Variants in JMJD1C observed in about 807,000 individuals in gnomAD.
The protein encoded by JMJD1C is jumonji domain containing 1C.
JMJD1C carries 31 observed loss-of-function variants against 245.3 expected under a neutral mutation model. The observed-to-expected ratio is 0.13, with a 90% CI of 0.09 to 0.17. JMJD1C has a LOEUF of 0.17. Ranked by LOEUF, JMJD1C falls within the 10% of genes least tolerant of loss-of-function variation. The pLI is 1.00. For synonymous variants in JMJD1C, 1,057 were observed against 1,017.4 expected (o/e 1.04, Z -0.74); for missense variants, 2,691 against 3,000.2 (o/e 0.90, Z 2.41).
At chr10:63,442,559 TAACC>T (rs1564924716) in intron 1 of JMJD1C, among the ~76,000 whole-genome samples, 1 of 152,204 alleles carries the variant, frequency 6.6e-6, no homozygotes, top group Non-Finnish European at 1.5e-5. Context: ...ATTCAAAATG[TAACC>T]AACCAGAAAA....
chr10:63,261,463 C>G (rs1854741178), intron 3 of JMJD1C, among the ~76,000 whole-genome samples: 1 of 151,998 alleles, frequency 6.6e-6, no homozygotes, highest in Admixed American at 6.6e-5. Context: ...CACCTGTAAT[C>G]CCAGTTACTC....
intron 1 of JMJD1C, among the ~76,000 whole-genome samples, chr10:63,449,607 A>G (rs1951916755): frequency 2.0e-5 from 3 of 152,206 alleles, no homozygotes; most frequent in African/African-American, 7.2e-5. Flanking sequence ...ATTCAGGCAT[A>G]TATCAATATA....
At chr10:63,459,464 G>A (rs973106838) in intron 1 of JMJD1C, among the ~76,000 whole-genome samples, 4 of 152,116 alleles carry the variant, frequency 2.6e-5, no homozygotes, top group African/African-American at 9.7e-5. Flanking sequence ...TTAACTGTGA[G>A]GAGTTATGGC....
At chr10:63,453,172 G>C (rs1022975803) in intron 1 of JMJD1C, among the ~76,000 whole-genome samples, 13 of 152,158 alleles carry the variant, frequency 8.5e-5, no homozygotes, top group Non-Finnish European at 1.6e-4. Context: ...CTACTCGGGA[G>C]GCTGAGGCAT....
At chr10:63,362,599 C>T (rs541732088) in intron 2 of JMJD1C, among the ~76,000 whole-genome samples, 2 of 152,160 alleles carry the variant, frequency 1.3e-5, no homozygotes, top group African/African-American at 4.8e-5. Flanking sequence ...CCCGCCTCAG[C>T]CTCCCAAGTA....
intron 2 of JMJD1C, among the ~76,000 whole-genome samples, chr10:63,336,163 A>G (rs1942711503): frequency 6.6e-6 from 1 of 152,002 alleles, no homozygotes; most frequent in Admixed American, 6.6e-5. Flanking sequence ...TCTATGAAAC[A>G]CAAATATCTA....
intron 3 of JMJD1C, among the ~76,000 whole-genome samples, chr10:63,233,755 G>T (rs983266766): frequency 2.3e-5 from 1 of 42,932 alleles, no homozygotes; most frequent in Admixed American, 1.5e-4. Context: ...ACACACGCGC[G>T]TGCACACACA....
chr10:63,485,406 T>C (rs1953962740), intron 1 of JMJD1C, among the ~76,000 whole-genome samples: 1 of 152,054 alleles, frequency 6.6e-6, no homozygotes, highest in African/African-American at 2.4e-5. Flanking sequence ...ACCTCACAAG[T>C]CTTTATTCAG....
intron 1 of JMJD1C, among the ~76,000 whole-genome samples, chr10:63,488,686 C>T (rs923121050): frequency 5.3e-5 from 8 of 152,218 alleles, no homozygotes; most frequent in East Asian, 1.9e-4. Context: ...GACTTATATA[C>T]GAGTAAGCTG....
intron 13 of JMJD1C, among the ~76,000 whole-genome samples, chr10:63,196,212 C>T (rs1429614956): frequency 2.6e-5 from 4 of 151,888 alleles, no homozygotes; most frequent in Non-Finnish European, 5.9e-5. Context: ...CACTGCACTC[C>T]AGCCTGGGCA....
intron 1 of JMJD1C, among the ~76,000 whole-genome samples, chr10:63,519,313 A>G (rs542794868): frequency 6.6e-6 from 1 of 152,276 alleles, no homozygotes; most frequent in Non-Finnish European, 1.5e-5. Flanking sequence ...ATTAGCTGAA[A>G]TAATTAATAT....
intron 1 of JMJD1C, among the ~76,000 whole-genome samples, chr10:63,417,629 AT>A (rs1427018912): frequency 6.6e-6 from 1 of 152,202 alleles, no homozygotes; most frequent in Non-Finnish European, 1.5e-5. Context: ...TCATTTAAAA[AT>A]ATGGTGAAAC....
intron 2 of JMJD1C, among the ~76,000 whole-genome samples, chr10:63,274,830 A>G (rs543037529): frequency 6.6e-6 from 1 of 152,272 alleles, no homozygotes; most frequent in African/African-American, 2.4e-5. Flanking sequence ...GGAAAAGACA[A>G]CCAAATTTTT....
intron 1 of JMJD1C, among the ~76,000 whole-genome samples, chr10:63,458,080 C>G (rs942825635): frequency 1.3e-5 from 2 of 152,074 alleles, no homozygotes; most frequent in Non-Finnish European, 2.9e-5. Context: ...TTATCCAATT[C>G]GATAATTTCA....
At chr10:63,309,614 T>C (rs1417445768) in intron 2 of JMJD1C, among the ~76,000 whole-genome samples, 2 of 151,984 alleles carry the variant, frequency 1.3e-5, no homozygotes, top group Non-Finnish European at 1.5e-5. Context: ...TTGAAACATT[T>C]TGATTCAAAA....
intron 2 of JMJD1C, among the ~76,000 whole-genome samples, chr10:63,307,121 T>A (rs1246885623): frequency 6.6e-6 from 1 of 152,308 alleles, no homozygotes; most frequent in South Asian, 2.1e-4. Flanking sequence ...TTTACAGTGG[T>A]TGGTGTCCAC....
At chr10:63,324,668 G>C (rs1481119587) in intron 2 of JMJD1C, among the ~76,000 whole-genome samples, 1 of 152,156 alleles carries the variant, frequency 6.6e-6, no homozygotes, top group East Asian at 1.9e-4. Flanking sequence ...CCTACCTATA[G>C]AGCTCATAAT....
rs1386475837 is a variant in JMJD1C at position 63,336,115 on chromosome 10, TGTCTCAAAAAAAATAAGAAAA to T, written c.333+44182_333+44202del. On this transcript the variant is annotated intron_variant, in intron 2 of 25. Transcript: ENST00000399262. ...CAGCCTGAGTGACAGAGTGAGACCC[TGTCTCAAAAAAAATAAGAAAA>T]AAAGAAAAAAACCACGTCTATGAAA... Among the ~76,000 whole-genome samples the T allele has an allele frequency of 2.0e-5, 3 of 151,922 alleles. No individual in the cohort carries two copies. The East Asian group carries it at 5.8e-4, about 29-fold the overall frequency.
At chr10:63,288,901 T>C (rs903832014) in intron 2 of JMJD1C, among the ~76,000 whole-genome samples, 133 of 123,712 alleles carry the variant, frequency 1.1e-3, no homozygotes, top group Non-Finnish European at 1.7e-3. Context: ...ATAATAATAA[T>C]AATAATAATA....
Sources: gnomAD v4.1 joint callset for allele counts (sites outside exome capture counted in the v4.1 genomes callset) on GRCh38, gnomAD v4.1.1 for gene constraint, MANE v1.5 for transcripts, NCBI Gene and HGNC (gene_info 2026-07-23, HGNC 2026-07-21) for gene names.